BCAS1: variants seen among roughly 807,000 people sequenced by gnomAD.
BCAS1 encodes breast carcinoma-amplified sequence 1.
Under a neutral mutation model 65.4 loss-of-function variants are expected in BCAS1, and 46 were observed. That is an observed-to-expected ratio of 0.70 (90% confidence interval 0.55 to 0.90). BCAS1 has a LOEUF of 0.90. Among genes scored for constraint, BCAS1 ranks in the 40% least tolerant of loss-of-function variants. The probability of loss-of-function intolerance (pLI) is 0.00; values close to 1 mark genes in which losing one functional copy is unlikely to be tolerated. For synonymous variants in BCAS1, 298 were observed against 293.5 expected (o/e 1.02, Z -0.16); for missense variants, 793 against 771.2 (o/e 1.03, Z -0.33).
Position 53,944,811 on chromosome 20 carries a change from A to G in BCAS1, c.*111T>C. 1 of 1,037,056 alleles carries G rather than the reference A, an allele frequency of 9.6e-7. No homozygotes were observed. Among genetic ancestry groups the G allele is most frequent in the South Asian group, 1.3e-5 (1 of 78,330 alleles). 64.2% of individuals were successfully genotyped at this position (1,037,056 alleles called of 1,614,324 possible). Reference sequence around the variant, plus strand: ...GGGCTTAATTTCTAGGCAGAATTTCATTTGCTGGCCATCAGAAGAATATAT... The same window carrying G: ...GGGCTTAATTTCTAGGCAGAATTTCGTTTGCTGGCCATCAGAAGAATATAT... On this transcript the variant is annotated 3_prime_UTR_variant, in exon 13 of 13. Coordinates refer to ENST00000688948, the MANE Select transcript of BCAS1 (RefSeq NM_001366298.2).
chr20:54,020,433 A>G (rs1212411827), intron 4 of BCAS1, among the ~76,000 whole-genome samples: 1 of 152,240 alleles, frequency 6.6e-6, no homozygotes, highest in Non-Finnish European at 1.5e-5. Context: ...GACTTGTACT[A>G]TGATTCTAAA....
intron 9 of BCAS1, among the ~76,000 whole-genome samples, chr20:53,967,858 G>A (rs1276711943): frequency 6.6e-6 from 1 of 152,222 alleles, no homozygotes; most frequent in Non-Finnish European, 1.5e-5. Flanking sequence ...ATCTGGGACA[G>A]TTTCTGCATT....
At chr20:54,057,396 A>T (rs961077490) in intron 3 of BCAS1, among the ~76,000 whole-genome samples, 12 of 152,222 alleles carry the variant, frequency 7.9e-5, no homozygotes, top group Non-Finnish European at 1.2e-4. Flanking sequence ...CATTTTACAG[A>T]TGAGAAAACT....
intron 7 of BCAS1, 25 bp downstream of exon 7, chr20:53,992,487 C>T (rs745333242): frequency 7.3e-7 from 1 of 1,363,168 alleles, no homozygotes; most frequent in South Asian, 1.1e-5. Flanking sequence ...TCTTGTTTTT[C>T]CTCCTACTTT....
At chr20:54,044,688 A>G (rs1347009608) in intron 3 of BCAS1, among the ~76,000 whole-genome samples, 1 of 151,790 alleles carries the variant, frequency 6.6e-6, no homozygotes, top group East Asian at 1.9e-4. Context: ...AAATACAAAA[A>G]TTAGCCAGAT....
intron 7 of BCAS1, among the ~76,000 whole-genome samples, chr20:53,991,782 G>A (rs577797731): frequency 1.8e-4 from 27 of 152,328 alleles, no homozygotes; most frequent in African/African-American, 6.0e-4. Context: ...ATTATTACTT[G>A]AGGTTAGAAG....
chr20:54,055,726 A>C (rs186902768), intron 3 of BCAS1, among the ~76,000 whole-genome samples: 1 of 152,060 alleles, frequency 6.6e-6, no homozygotes, highest in Non-Finnish European at 1.5e-5. Flanking sequence ...CATTATTCAC[A>C]ATAGCCAAGA....
intron 11 of BCAS1, among the ~76,000 whole-genome samples, chr20:53,956,299 T>A (rs1364344764): frequency 6.6e-6 from 1 of 152,188 alleles, no homozygotes; most frequent in African/African-American, 2.4e-5. Context: ...CTCTCTGCCG[T>A]GTAAGGACAC....
intron 8 of BCAS1, among the ~76,000 whole-genome samples, chr20:53,981,480 G>A (rs2145746283): frequency 6.6e-6 from 1 of 151,454 alleles, no homozygotes; most frequent in Non-Finnish European, 1.5e-5. Context: ...ATACTAAATT[G>A]CAAATTTCGT....
intron 10 of BCAS1, among the ~76,000 whole-genome samples, chr20:53,966,105 G>C (rs1238872515): frequency 2.0e-5 from 3 of 152,100 alleles, no homozygotes; most frequent in Non-Finnish European, 4.4e-5. Context: ...TCCACTATTC[G>C]ATCCAGCAAT....
intron 4 of BCAS1, among the ~76,000 whole-genome samples, chr20:54,009,062 C>T (rs966901943): frequency 6.6e-6 from 1 of 152,202 alleles, no homozygotes; most frequent in Non-Finnish European, 1.5e-5. Context: ...ATCTGCCCGC[C>T]TTGGCCTCCC....
chr20:53,964,867 A>G (rs376105), intron 10 of BCAS1, among the ~76,000 whole-genome samples: 47,663 of 149,178 alleles, frequency 0.32, 8,726 homozygotes, highest in South Asian at 0.49. Context: ...AAGGAGCTTC[A>G]TGTTGGTTAT....
Position 54,058,108 on chromosome 20 carries a change from T to TG in BCAS1, c.118dup (p.His40ProfsTer19). ...ACCTTCCTCTAAGTGCTGAACTGTG[T>TG]GGGTCGACACCACCACTGGAACCCC... On this transcript the variant is annotated frameshift_variant, in exon 3 of 13. Transcript: ENST00000688948. LOFTEE classifies it high-confidence loss of function. The TG allele has an allele frequency of 6.2e-7, 1 of 1,613,796 alleles. No homozygotes were observed. Among genetic ancestry groups the TG allele is most frequent in the South Asian group, 1.1e-5 (1 of 91,020 alleles).
chr20:54,022,199 A>G (rs1213964091), intron 4 of BCAS1, among the ~76,000 whole-genome samples: 1 of 152,100 alleles, frequency 6.6e-6, no homozygotes, highest in Non-Finnish European at 1.5e-5. Context: ...TGTTGAACCA[A>G]CCTGAACTCC....
intron 8 of BCAS1, among the ~76,000 whole-genome samples, chr20:53,977,823 AT>A (rs1356915563): frequency 6.6e-6 from 1 of 152,188 alleles, no homozygotes; most frequent in East Asian, 1.9e-4. Flanking sequence ...TTGGGAAATA[AT>A]CCAGTTGAGC....
chr20:53,950,418 C>T (rs560390501), intron 12 of BCAS1, among the ~76,000 whole-genome samples: 2 of 144,646 alleles, frequency 1.4e-5, no homozygotes, highest in African/African-American at 2.6e-5. Flanking sequence ...TGGGATCCAC[C>T]GATTAAAAGT....
intron 10 of BCAS1, among the ~76,000 whole-genome samples, chr20:53,962,765 CTA>C (rs2089916160): frequency 6.6e-6 from 1 of 152,172 alleles, no homozygotes; most frequent in Non-Finnish European, 1.5e-5. Flanking sequence ...TGCTACATCT[CTA>C]TGTGTTGAAT....
intron 4 of BCAS1, among the ~76,000 whole-genome samples, chr20:54,001,908 T>C (rs865950114): frequency 6.6e-6 from 1 of 152,190 alleles, no homozygotes; most frequent in Non-Finnish European, 1.5e-5. Context: ...AGGAAGCTAA[T>C]ATTTTCTCGC....
At chr20:53,954,022 AT>A (rs1284083808) in intron 11 of BCAS1, among the ~76,000 whole-genome samples, 1 of 152,082 alleles carries the variant, frequency 6.6e-6, no homozygotes, top group Non-Finnish European at 1.5e-5. Context: ...CAGGCAAACT[AT>A]TTCCACCTCC....
Sources: allele counts gnomAD v4.1 joint callset (sites outside exome capture counted in the v4.1 genomes callset), GRCh38; gene constraint gnomAD v4.1.1; transcripts MANE v1.5; gene names NCBI Gene and HGNC (gene_info 2026-07-23, HGNC 2026-07-21).